The following GPR63 variants were observed in gnomAD, a reference collection of about 807,000 sequenced individuals.
The protein encoded by GPR63 is probable G protein-coupled receptor 63.
GPR63 carries 12 observed loss-of-function variants against 23.1 expected under a neutral mutation model. The ratio of observed to expected loss-of-function variants is 0.52; its 90% CI spans 0.33 to 0.84. The LOEUF (loss-of-function observed/expected upper bound fraction) is 0.84. Among genes scored for constraint, GPR63 ranks in the 40% least tolerant of loss-of-function variants. GPR63 has a pLI of 0.02. For synonymous variants in GPR63, 172 were observed against 191.1 expected (o/e 0.90, Z 0.82); for missense variants, 472 against 515.6 (o/e 0.92, Z 0.82).
At chr6:96,822,834 A>G (rs1774346432) in intron 1 of GPR63, among the ~76,000 whole-genome samples, 1 of 152,200 alleles carries the variant, frequency 6.6e-6, no homozygotes, top group African/African-American at 2.4e-5. Context: ...GGATGCTACA[A>G]GAGTGAAAAA....
At position 96,808,924 on chromosome 6, in the gene GPR63, C is replaced by T. The variant is rs369269689; in HGVS notation, c.-150-9043G>A. Among the ~76,000 whole-genome samples, 581 of 151,508 alleles carry T rather than the reference C, an allele frequency of 3.8e-3. 7 individuals carry two copies. The highest frequency in any genetic ancestry group is 0.013 in the African/African-American group (540 of 41,260). ...ATATCTCCTAAAGCTATCCCTCCCC[C>T]GTCCCCCCACCCCACAACAGTCCCC... On this transcript the variant is annotated intron_variant, in intron 1 of 1. Transcript: ENST00000229955.
chr6:96,822,713 G>A (rs138067256), intron 1 of GPR63, among the ~76,000 whole-genome samples: 1 of 152,260 alleles, frequency 6.6e-6, no homozygotes, highest in East Asian at 1.9e-4. Context: ...GAAACAAACT[G>A]GATATATCTC....
chr6:96,809,562 AG>A (rs1160766927), intron 1 of GPR63, among the ~76,000 whole-genome samples: 7 of 152,148 alleles, frequency 4.6e-5, no homozygotes, highest in Non-Finnish European at 1.0e-4. Context: ...TGGTTCACTA[AG>A]TATGTTCTCT....
intron 1 of GPR63, among the ~76,000 whole-genome samples, chr6:96,809,169 G>A (rs62413032): frequency 0.033 from 4,973 of 152,154 alleles, 129 homozygotes; most frequent in Middle Eastern, 0.068. Flanking sequence ...ACAAGCTGGA[G>A]TACACTGGCT....
chr6:96,812,584 ATTT>A (rs1001288541), intron 1 of GPR63, among the ~76,000 whole-genome samples: 20 of 152,294 alleles, frequency 1.3e-4, no homozygotes, highest in Non-Finnish European at 2.6e-4. Flanking sequence ...TTAAAAATGT[ATTT>A]TTAAGTGGCT....
chr6:96,798,432 A>C lies in GPR63; in HGVS notation c.*40T>G, dbSNP rs1251250902. ...TGAGAAAGAGAATTCAATGTCAATA[A>C]AGAACAAGCATCACCCAAAATGTCA... On this transcript the variant is annotated 3_prime_UTR_variant, in exon 2 of 2. Transcript: ENST00000229955. 6.3e-7 allele frequency: 1 copy of C among 1,585,700 alleles called. No individual in the cohort carries two copies. Among genetic ancestry groups the C allele is most frequent in the Non-Finnish European group, 8.6e-7 (1 of 1,165,666 alleles).
At chr6:96,806,164 A>AG (rs1773891113) in intron 1 of GPR63, among the ~76,000 whole-genome samples, 1 of 152,224 alleles carries the variant, frequency 6.6e-6, no homozygotes, top group African/African-American at 2.4e-5. Flanking sequence ...ACTATACAGT[A>AG]AGTGGCAAAT....
chr6:96,808,621 A>G (rs1208259346), intron 1 of GPR63, among the ~76,000 whole-genome samples: 4 of 152,222 alleles, frequency 2.6e-5, no homozygotes, highest in Non-Finnish European at 5.9e-5. Flanking sequence ...GCTGTTTTTC[A>G]GAAGAGTTTC....
chr6:96,817,233 G>A (rs1420351703), intron 1 of GPR63, among the ~76,000 whole-genome samples: 2 of 151,988 alleles, frequency 1.3e-5, no homozygotes. Flanking sequence ...AAACAAAACA[G>A]TACAAAACAA....
intron 1 of GPR63, among the ~76,000 whole-genome samples, chr6:96,830,073 T>C (rs1381432618): frequency 6.6e-6 from 1 of 152,148 alleles, no homozygotes; most frequent in African/African-American, 2.4e-5. Context: ...AGTAGTAAAA[T>C]TCCCTTTATG....
intron 1 of GPR63, among the ~76,000 whole-genome samples, chr6:96,831,965 C>G (rs1484119680): frequency 6.6e-6 from 1 of 151,474 alleles, no homozygotes. Context: ...GTAAGATAGT[C>G]ATTACTGTAC....
In GPR63 at chr6:96,798,956, A is replaced by G. The variant is rs199820711; in HGVS notation, c.776T>C (p.Leu259Pro). Reference protein sequence around the residue: ...ISFFIPFLVILYSFMGILNTL... With the variant: ...ISFFIPFLVIPYSFMGILNTL... ...GTTGAGTATGCCCATAAATGAGTAC[A>G]GTATTACCAGGAAGGGTATGAAGAA... The change falls in exon 2 of 2, where the codon CTG becomes CCG. Residue 259 changes from leucine to proline, a missense_variant. Coordinates refer to ENST00000229955, the MANE Select transcript of GPR63 (RefSeq NM_030784.4). 1.2e-6 allele frequency: 2 copies of G among 1,614,188 alleles called. No individual in the cohort carries two copies. The highest frequency in any genetic ancestry group is 2.2e-5 in the East Asian group (1 of 44,884).
chr6:96,832,910 A>G (rs1415799312), intron 1 of GPR63, among the ~76,000 whole-genome samples: 3 of 152,238 alleles, frequency 2.0e-5, no homozygotes, highest in Non-Finnish European at 4.4e-5. Context: ...TATCCAATTT[A>G]TAGAAAATGG....
intron 1 of GPR63, among the ~76,000 whole-genome samples, chr6:96,809,304 T>A (rs1404095296): frequency 1.3e-5 from 2 of 152,188 alleles, no homozygotes; most frequent in Admixed American, 1.3e-4. Context: ...GAGTGCATGT[T>A]AACTAATGTG....
Position 96,798,963 on chromosome 6 carries a change from C to CATA in GPR63, c.768_769insTAT (p.Leu256_Val257insTyr). The CATA allele has an allele frequency of 1.2e-6, 2 of 1,614,010 alleles. No homozygotes were observed. Among genetic ancestry groups the CATA allele is most frequent in the Non-Finnish European group, 1.7e-6 (2 of 1,180,000 alleles). On this transcript the variant is annotated inframe_insertion, in exon 2 of 2. Transcript: ENST00000229955. ...ATGCCCATAAATGAGTACAGTATTACCAGGAAGGGTATGAAGAAAGAAATG... is the reference window on the plus strand; with the variant it reads ...ATGCCCATAAATGAGTACAGTATTACATACAGGAAGGGTATGAAGAAAGAAATG...
intron 1 of GPR63, among the ~76,000 whole-genome samples, chr6:96,821,899 A>G (rs374805220): frequency 2.0e-5 from 3 of 151,924 alleles, no homozygotes; most frequent in East Asian, 3.9e-4. Flanking sequence ...CTACCCTACC[A>G]CCCTACCTCT....
chr6:96,819,940 A>C (rs1440876204), intron 1 of GPR63, among the ~76,000 whole-genome samples: 4 of 139,640 alleles, frequency 2.9e-5, no homozygotes, highest in Non-Finnish European at 1.5e-5. Context: ...CGCTCACTGC[A>C]CTCCAGCCTG....
chr6:96,819,974 C>CAAAAAAAAAA (rs367728329), intron 1 of GPR63, among the ~76,000 whole-genome samples: 1 of 85,342 alleles, frequency 1.2e-5, no homozygotes, highest in Non-Finnish European at 2.4e-5. Flanking sequence ...GACTCTGTCT[C>CAAAAAAAAAA]AAAAAAAAAA....
In GPR63 at chr6:96,799,548, T is replaced by C. The variant is rs765988637; in HGVS notation, c.184A>G (p.Asn62Asp). 2 of 1,614,198 alleles carry C rather than the reference T, an allele frequency of 1.2e-6. No individual in the cohort carries two copies. The highest frequency in any genetic ancestry group is 2.2e-5 in the South Asian group (2 of 91,092). Reference sequence around the variant, plus strand: ...GGTGTTGTGGGCACAGCTGTACTATTCACGGTCAAGGAACTCAAACCAGTG... The same window carrying C: ...GGTGTTGTGGGCACAGCTGTACTATCCACGGTCAAGGAACTCAAACCAGTG... The part of the protein sequence containing the change: ...APTGLSSLTV[N>D]STAVPTTPAA... The change falls in exon 2 of 2, where the codon AAT (asparagine) becomes GAT (aspartate). Residue 62 changes from asparagine (N) to aspartate (D), a missense_variant. Transcript: ENST00000229955.
Sources: allele counts gnomAD v4.1 joint callset (sites outside exome capture counted in the v4.1 genomes callset), GRCh38; gene constraint gnomAD v4.1.1; transcripts MANE v1.5; gene names NCBI Gene and HGNC (gene_info 2026-07-23, HGNC 2026-07-21).